The following GALNT13 variants were observed in gnomAD, a reference collection of about 807,000 sequenced individuals.
GALNT13 encodes the protein polypeptide N-acetylgalactosaminyltransferase 13, also known as UDP-GalNAc:polypeptide N-acetylgalactosaminyltransferase 13.
Under a neutral mutation model 64.2 loss-of-function variants are expected in GALNT13, and 28 were observed. That is an observed-to-expected ratio of 0.44 (90% CI 0.32 to 0.60). The LOEUF is 0.60. GALNT13 is among the 20% of genes least tolerant of loss of function. The pLI is 0.05. For missense variants in GALNT13, 577 were observed against 669.8 expected, an observed-to-expected ratio of 0.86 and a Z score of 1.53; for synonymous variants, 214 against 224.6, an observed-to-expected ratio of 0.95 and a Z score of 0.42.
chr2:153,600,039 G>A, the GALNT13 span, among the ~76,000 whole-genome samples: 6 of 151,830 alleles, frequency 4.0e-5, no homozygotes, highest in African/African-American at 7.3e-5. Flanking sequence ...CAAATCTCCC[G>A]AGGCAGAGAG....
chr2:153,191,776 T>A, the GALNT13 span, among the ~76,000 whole-genome samples: 1 of 152,102 alleles, frequency 6.6e-6, no homozygotes, highest in East Asian at 1.9e-4. Context: ...TGTTTCTTTC[T>A]TATTCAACCT....
chr2:153,270,926 A>G, the GALNT13 span, among the ~76,000 whole-genome samples: 1 of 152,202 alleles, frequency 6.6e-6, no homozygotes, highest in African/African-American at 2.4e-5. Flanking sequence ...TACCACAATC[A>G]AGTCAGCTTC....
chr2:154,363,151 G>A (rs763153235), intron 9 of GALNT13, among the ~76,000 whole-genome samples: 2 of 151,870 alleles, frequency 1.3e-5, no homozygotes, highest in African/African-American at 4.8e-5. Flanking sequence ...ACTTTTTCTC[G>A]CACTGTATTA....
chr2:154,151,233 A>T (rs1008218287), intron 4 of GALNT13, among the ~76,000 whole-genome samples: 3 of 152,044 alleles, frequency 2.0e-5, no homozygotes, highest in Non-Finnish European at 2.9e-5. Context: ...CATGTAGTTG[A>T]GCAGTTTTGA....
chr2:153,837,437 A>C, the GALNT13 span, among the ~76,000 whole-genome samples: 11 of 152,052 alleles, frequency 7.2e-5, no homozygotes, highest in African/African-American at 1.2e-4. Flanking sequence ...CCTGGCAACC[A>C]TTGTTCCATT....
At chr2:154,259,981 C>T (rs1191705576) in intron 8 of GALNT13, among the ~76,000 whole-genome samples, 3 of 152,102 alleles carry the variant, frequency 2.0e-5, no homozygotes, top group Non-Finnish European at 2.9e-5. Context: ...CTCCAGGGCT[C>T]GGGTGATCCT....
the GALNT13 span, among the ~76,000 whole-genome samples, chr2:153,403,991 A>T: frequency 6.6e-6 from 1 of 152,310 alleles, no homozygotes; most frequent in East Asian, 1.9e-4. Flanking sequence ...TAATCCACAA[A>T]TTAGGTCCAA....
chr2:153,855,555 C>A, the GALNT13 span, among the ~76,000 whole-genome samples: 4,660 of 152,206 alleles, frequency 0.031, 103 homozygotes, highest in Non-Finnish European at 0.043. Flanking sequence ...ACTTTTCACC[C>A]ATTAGGATGG....
At chr2:153,298,029 G>A in the GALNT13 span, among the ~76,000 whole-genome samples, 1 of 152,144 alleles carries the variant, frequency 6.6e-6, no homozygotes, top group Non-Finnish European at 1.5e-5. Context: ...TGTAATTTAG[G>A]AGAAAGTTGG....
At chr2:154,111,970 A>G (rs1039832017) in intron 3 of GALNT13, among the ~76,000 whole-genome samples, 3 of 152,184 alleles carry the variant, frequency 2.0e-5, no homozygotes, top group Non-Finnish European at 4.4e-5. Context: ...TGCTGTGTGG[A>G]ATACCATGAT....
chr2:153,669,185 G>T, the GALNT13 span, among the ~76,000 whole-genome samples: 1 of 152,110 alleles, frequency 6.6e-6, no homozygotes, highest in Non-Finnish European at 1.5e-5. Flanking sequence ...CAGCCCATCT[G>T]CACCCTCCCC....
the GALNT13 span, among the ~76,000 whole-genome samples, chr2:153,403,055 G>A: frequency 6.6e-6 from 1 of 150,994 alleles, no homozygotes; most frequent in Admixed American, 6.6e-5. Context: ...CCATCTTTGT[G>A]GTTTTATCTA....
the GALNT13 span, among the ~76,000 whole-genome samples, chr2:153,597,434 C>CA: frequency 2.0e-5 from 3 of 151,214 alleles, no homozygotes; most frequent in East Asian, 1.9e-4. Flanking sequence ...TACCCACATG[C>CA]AAAAAAAATA....
intron 2 of GALNT13, among the ~76,000 whole-genome samples, chr2:153,939,442 A>G (rs17511040): frequency 0.19 from 28,280 of 152,198 alleles, 3,378 homozygotes; most frequent in Non-Finnish European, 0.26. Context: ...AGTTGATGAT[A>G]TCAGGGAATC....
At chr2:153,601,543 G>A in the GALNT13 span, among the ~76,000 whole-genome samples, 154 of 149,806 alleles carry the variant, frequency 1.0e-3, 1 homozygote, top group Middle Eastern at 0.01. Flanking sequence ...ATTTCCTTTC[G>A]TTTCATGTCA....
chr2:154,142,549 CAAAAAAAAAAAAA>C (rs71396392), intron 4 of GALNT13, among the ~76,000 whole-genome samples: 4 of 66,500 alleles, frequency 6.0e-5, no homozygotes, highest in African/African-American at 2.2e-4. Context: ...AACTCTGTCT[CAAAAAAAAAAAAA>C]AAAAAAAAAA....
chr2:154,333,566 T>C (rs1448262602), intron 9 of GALNT13, among the ~76,000 whole-genome samples: 1 of 152,090 alleles, frequency 6.6e-6, no homozygotes, highest in African/African-American at 2.4e-5. Flanking sequence ...AAATTGCACA[T>C]CTTCAATTGT....
Position 154,439,852 on chromosome 2 carries a change from T to C in GALNT13, c.1530+1126T>C, listed in dbSNP as rs540341019. 3.5e-4 allele frequency among the ~76,000 whole-genome samples: 53 copies of C among 152,228 alleles called. No individual in the cohort carries two copies. In the South Asian group the frequency reaches 0.011, roughly 32 times the overall value. ...CACAAAATCATCTTCTGGGCCATAATTGAGGGCAAACACTGAGAATTCTTC... is the reference window on the plus strand; with the variant it reads ...CACAAAATCATCTTCTGGGCCATAACTGAGGGCAAACACTGAGAATTCTTC... On this transcript the variant is annotated intron_variant, in intron 12 of 12. Transcript: ENST00000392825.
chr2:154,298,827 C>A (rs1457422094), intron 8 of GALNT13, among the ~76,000 whole-genome samples: 12 of 3,364 alleles, frequency 3.6e-3, no homozygotes, highest in African/African-American at 8.0e-3. Flanking sequence ...TTTATATATA[C>A]ATTATATATA....
Sources: gnomAD v4.1 joint callset for allele counts (sites outside exome capture counted in the v4.1 genomes callset) on GRCh38, gnomAD v4.1.1 for gene constraint, MANE v1.5 for transcripts, NCBI Gene and HGNC (gene_info 2026-07-23, HGNC 2026-07-21) for gene names.